AK1: variants seen among roughly 807,000 people sequenced by gnomAD.
AK1 encodes the protein adenylate kinase isoenzyme 1.
AK1 carries 13 observed loss-of-function variants against 23.9 expected under a neutral mutation model. That is an observed-to-expected ratio of 0.54 (90% CI 0.35 to 0.86). The LOEUF (loss-of-function observed/expected upper bound fraction) is 0.86, where lower values mean the gene tolerates loss of function less well. AK1 is among the 40% of genes least tolerant of loss of function. AK1 has a pLI of 0.01. For missense variants in AK1, 214 were observed against 255.1 expected, an observed-to-expected ratio of 0.84 and a Z score of 1.10; for synonymous variants, 97 against 102.8, an observed-to-expected ratio of 0.94 and a Z score of 0.34.
chr9:127,873,527 C>T (rs924904322), intron 2 of AK1: 35 of 1,441,922 alleles, frequency 2.4e-5, no homozygotes, highest in Admixed American at 8.6e-5. Context: ...CCGCCTCCCC[C>T]GGCAGTGGGG....
chr9:127,872,883 G>A lies in AK1; in HGVS notation c.44-30C>T, dbSNP rs749431283. On this transcript the variant is annotated intron_variant, in intron 3 of 6. Transcript: ENST00000644144. The stretch of plus-strand genomic sequence containing the variant: ...AAACGCCCACCCATTCATAAACCCC[G>A]AGACACAGGGTCCCAGGAGGAACAG... 1.9e-5 allele frequency: 31 copies of A among 1,613,608 alleles called. No individual in the cohort carries two copies. The Admixed American group carries it at 2.7e-4, about 14-fold the overall frequency.
intron 2 of AK1, chr9:127,874,213 G>T (rs977022516): frequency 8.1e-6 from 8 of 985,316 alleles, no homozygotes; most frequent in Non-Finnish European, 9.6e-6. Flanking sequence ...GGAACTAGGA[G>T]GGTCCAAGAC....
chr9:127,872,031 G>T, intron 4 of AK1, 92 bp from the exon 5 acceptor site: 3 of 1,105,798 alleles, frequency 2.7e-6, no homozygotes, highest in Non-Finnish European at 4.1e-6. Flanking sequence ...CACCTGAAAT[G>T]CCCTCTCCCC....
chr9:127,867,617 C>G lies in AK1; in HGVS notation c.*391G>C, dbSNP rs1386069913. On this transcript the variant is annotated 3_prime_UTR_variant, in exon 7 of 7. Coordinates refer to ENST00000644144, the MANE Select transcript of AK1 (RefSeq NM_000476.3). The stretch of plus-strand genomic sequence containing the variant: ...GGACCGGTTCTGCCTGAACATGAGC[C>G]CCTCGGAGCAGGGGCCCCGCCACTC... 7.2e-6 allele frequency: 2 copies of G among 277,764 alleles called. No individual in the cohort carries two copies. Among genetic ancestry groups the G allele is most frequent in the East Asian group, 1.8e-4 (2 of 11,098 alleles). The allele number at this position is 277,764 out of a possible 1,614,324, so 17.2% of individuals were successfully genotyped here.
At position 127,871,278 on chromosome 9, in the gene AK1, C is replaced by T. The variant is rs1336761231; in HGVS notation, c.324+545G>A. 6.6e-6 allele frequency among the ~76,000 whole-genome samples: 1 copy of T among 151,624 alleles called. No homozygotes were observed. The highest frequency in any genetic ancestry group is 2.4e-5 in the African/African-American group (1 of 40,884). On this transcript the variant is annotated intron_variant, in intron 5 of 6. Coordinates refer to ENST00000644144, the MANE Select transcript of AK1 (RefSeq NM_000476.3). The surrounding 1 kb of genome is among the most constrained non-coding windows in gnomAD (Gnocchi z 4.4). ...CTCTTTCCAGCCAGGCTCCTCATGA[C>T]CCCTGGAAGGAGACTGATGTCCCTT...
At position 127,867,745 on chromosome 9, in the gene AK1, A is replaced by C. The variant is rs1678857091; in HGVS notation, c.*263T>G. 1.5e-5 allele frequency: 7 copies of C among 458,268 alleles called. No individual in the cohort carries two copies. Among genetic ancestry groups the C allele is most frequent in the Non-Finnish European group, 2.4e-5 (6 of 248,642 alleles). 28.4% of individuals were successfully genotyped at this position (458,268 alleles called of 1,614,324 possible). The stretch of plus-strand genomic sequence containing the variant: ...GCTGGCAAAGGGAGGCTGAGGAGGA[A>C]CGGAGGGTTGAGGGGCTGGGGACTT... On this transcript the variant is annotated 3_prime_UTR_variant, in exon 7 of 7. Coordinates refer to ENST00000644144, the MANE Select transcript of AK1 (RefSeq NM_000476.3).
intron 2 of AK1, chr9:127,873,906 G>T: frequency 2.0e-6 from 2 of 985,406 alleles, no homozygotes; most frequent in Non-Finnish European, 2.4e-6. Context: ...GGTGGGCTGG[G>T]CGGCTCCCAG....
chr9:127,873,284 C>A, intron 2 of AK1: 2 of 1,532,282 alleles, frequency 1.3e-6, no homozygotes, highest in Non-Finnish European at 8.7e-7. Context: ...GGCAGCCAGA[C>A]GGGCAGAGGC....
Position 127,874,558 on chromosome 9 carries a change from TAGTC to T in AK1, c.7+49_7+52del. On this transcript the variant is annotated intron_variant, in intron 2 of 6. Transcript: ENST00000644144. The stretch of plus-strand genomic sequence containing the variant: ...TCTCCCTGAGAGCGCACCCCCTTAA[TAGTC>T]AGGCACACTGAGGCCCAGGCAATGG... 1.9e-6 allele frequency: 3 copies of T among 1,612,248 alleles called. No homozygotes were observed. In the Admixed American group the frequency reaches 5.0e-5, roughly 27 times the overall value.
Position 127,868,435 on chromosome 9 carries a change from C to G in AK1, c.402G>C (p.Glu134Asp). ...TMTQRLLKRGETSGRVDDNEE... is the reference protein window; with the variant it reads ...TMTQRLLKRGDTSGRVDDNEE... ...CATTGTCGTCCACACGCCCGCTGGT[C>G]TCTCCACGTTTCAAGAGCCGCTGGG... The change falls in exon 6 of 7, where the codon GAG (glutamate) becomes GAC (aspartate). Residue 134 changes from glutamate to aspartate, a missense_variant. By Grantham distance (45) the Glu-to-Asp change is conservative. Coordinates refer to ENST00000644144, the MANE Select transcript of AK1 (RefSeq NM_000476.3). This position sits in a 1 kb window ranked among gnomAD's most constrained non-coding sequence, Gnocchi z 4.1. 6.2e-7 allele frequency: 1 copy of G among 1,611,306 alleles called. No homozygotes were observed.
At chr9:127,869,511 G>A (rs1829335353) in intron 5 of AK1, 1 of 152,346 alleles carries the variant, frequency 6.6e-6, no homozygotes, top group African/African-American at 2.4e-5. Context: ...TCCGGCGTCA[G>A]ACTGACCTGG....
In AK1 at chr9:127,868,350, A is replaced by C; in HGVS notation, c.487T>G (p.Phe163Val). Residue 163 changes from phenylalanine (F) to valine (V), a missense_variant, in exon 6 of 7, where the codon TTC (phenylalanine) becomes GTC (valine). Phe to Val is a conservative substitution (Grantham distance 50). Transcript: ENST00000644144. This position sits in a 1 kb window ranked among gnomAD's most constrained non-coding sequence, Gnocchi z 4.1. ...CGCACAATGCCACGTTTCTCATAGAAGGCGATGACAGGTTCTGTGGCCTTG... is the reference window on the plus strand; with the variant it reads ...CGCACAATGCCACGTTTCTCATAGACGGCGATGACAGGTTCTGTGGCCTTG... ...YYKATEPVIA[F>V]YEKRGIVRKV... 6.2e-7 allele frequency: 1 copy of C among 1,606,328 alleles called. No homozygotes were observed. Among genetic ancestry groups the C allele is most frequent in the Non-Finnish European group, 8.5e-7 (1 of 1,176,508 alleles).
intron 4 of AK1, among the ~76,000 whole-genome samples, chr9:127,872,375 T>C (rs1473844071): frequency 6.7e-6 from 1 of 150,054 alleles, no homozygotes; most frequent in Non-Finnish European, 1.5e-5. Flanking sequence ...ATCTGGGGAG[T>C]TAGGGAAGTC....
At position 127,868,302 on chromosome 9, in the gene AK1, CT is replaced by C. The variant is rs1166747252; in HGVS notation, c.516+18del. ...GAACCCGTTCTTCCCGGAGCTGCCC[CT>C]GGGCCCGCGGGGCCCACCTTGCGCA... is the stretch of plus-strand genomic sequence containing the variant. On this transcript the variant is annotated intron_variant, in intron 6 of 6. Transcript: ENST00000644144. This position sits in a 1 kb window ranked among gnomAD's most constrained non-coding sequence, Gnocchi z 4.1. 1.3e-6 allele frequency: 2 copies of C among 1,560,722 alleles called. No homozygotes were observed. The highest frequency in any genetic ancestry group is 1.4e-5 in the African/African-American group (1 of 73,652).
upstream of AK1, among the ~76,000 whole-genome samples, chr9:127,879,069 AC>A (rs1305785095): frequency 1.7e-3 from 44 of 25,546 alleles, no homozygotes; most frequent in Non-Finnish European, 5.5e-3. Flanking sequence ...AAAATAAAAC[AC>A]ACACACACAC....
intron 5 of AK1, among the ~76,000 whole-genome samples, chr9:127,870,162 C>T (rs1829356138): frequency 6.6e-6 from 1 of 151,994 alleles, no homozygotes; most frequent in Non-Finnish European, 1.5e-5. Flanking sequence ...AGCCTGCGGC[C>T]CTCAGCGGCA....
In AK1 at chr9:127,868,562, C is replaced by T. The variant is rs1336804587; in HGVS notation, c.325-50G>A. ...GGACCCCATTCCTGCCCCCTAGGGC[C>T]ATCTCCTCCCCATCTTCCCATCTAT... On this transcript the variant is annotated intron_variant, in intron 5 of 6. Transcript: ENST00000644144. This position sits in a 1 kb window ranked among gnomAD's most constrained non-coding sequence, Gnocchi z 4.1. 1 of 1,538,420 alleles carries T rather than the reference C, an allele frequency of 6.5e-7. No homozygotes were observed. The highest frequency in any genetic ancestry group is 8.8e-7 in the Non-Finnish European group (1 of 1,138,518).
Position 127,868,780 on chromosome 9 carries a change from A to G in AK1, c.325-268T>C, listed in dbSNP as rs1224428384. Among the ~76,000 whole-genome samples, 1 of 151,964 alleles carries G rather than the reference A, an allele frequency of 6.6e-6. No homozygotes were observed. Among genetic ancestry groups the G allele is most frequent in the Non-Finnish European group, 1.5e-5 (1 of 67,996 alleles). The stretch of plus-strand genomic sequence containing the variant: ...ACTCTCTCTGCTCTAGGCTCTCATC[A>G]ACCTCCTTCCATGCCAGACCTGTGC... On this transcript the variant is annotated intron_variant, in intron 5 of 6. Transcript: ENST00000644144. The surrounding 1 kb of genome is among the most constrained non-coding windows in gnomAD (Gnocchi z 4.1).
At position 127,868,482 on chromosome 9, in the gene AK1, C is replaced by T. The variant is rs1252787370; in HGVS notation, c.355G>A (p.Asp119Asn). 3.1e-6 allele frequency: 5 copies of T among 1,598,256 alleles called. No individual in the cohort carries two copies. The highest frequency in any genetic ancestry group is 4.3e-6 in the Non-Finnish European group (5 of 1,172,058). The change falls in exon 6 of 7, where the codon GAC (aspartate) becomes AAC (asparagine). Residue 119 changes from aspartate (D) to asparagine (N), a missense_variant. Physicochemically the swap from Asp to Asn is conservative, Grantham distance 23. Transcript: ENST00000644144. The surrounding 1 kb of genome is among the most constrained non-coding windows in gnomAD (Gnocchi z 4.1). Reference sequence around the variant, plus strand: ...TGGGTCATGGTCTCAGGGCCTGCGTCCACATACAGCAGCAGTGTGGGCTGT... The same window carrying T: ...TGGGTCATGGTCTCAGGGCCTGCGTTCACATACAGCAGCAGTGTGGGCTGT... ...IGQPTLLLYV[D>N]AGPETMTQRL...
Sources: gnomAD v4.1 joint callset for allele counts (sites outside exome capture counted in the v4.1 genomes callset) on GRCh38, gnomAD v4.1.1 for gene constraint, Gnocchi (gnomAD v3.1) non-coding constraint, MANE v1.5 for transcripts, NCBI Gene and HGNC (gene_info 2026-07-23, HGNC 2026-07-21) for gene names.